The following STON2 variants were observed in gnomAD, a reference collection of about 807,000 sequenced individuals.
STON2 encodes the protein stonin 2.
A neutral mutation model predicts 65.7 loss-of-function variants in STON2; 29 were observed. The ratio of observed to expected loss-of-function variants is 0.44; its 90% confidence interval spans 0.33 to 0.60. The LOEUF is 0.60. Ranked by LOEUF, STON2 falls within the 20% of genes least tolerant of loss-of-function variation. STON2 has a pLI of 0.03. For synonymous variants in STON2, 404 were observed against 414.2 expected, an observed-to-expected ratio of 0.98 and a Z score of 0.30; for missense variants, 1,054 against 1,118.1, an observed-to-expected ratio of 0.94 and a Z score of 0.82.
At position 81,317,110 on chromosome 14, in the gene STON2, G is replaced by A. The variant is rs186130380; in HGVS notation, c.742+6907C>T. On this transcript the variant is annotated intron_variant, in intron 5 of 7. Coordinates refer to ENST00000614646, the MANE Select transcript of STON2 (RefSeq NM_001394390.1). ...TGGCAGCAGCATCTGCTTTTGGTGA[G>A]GCCTCAGGAGGCTTTTACTCAGGGT... Among the ~76,000 whole-genome samples, 548 of 152,318 alleles carry A rather than the reference G, an allele frequency of 3.6e-3. 2 individuals carry two copies. Among genetic ancestry groups the A allele is most frequent in the African/African-American group, 0.013 (521 of 41,574 alleles).
intron 2 of STON2, among the ~76,000 whole-genome samples, chr14:81,426,450 A>G (rs948714721): frequency 6.6e-6 from 1 of 152,086 alleles, no homozygotes; most frequent in Non-Finnish European, 1.5e-5. Context: ...ACAGCTTTAG[A>G]TTCCATCTAT....
rs572059945 is a variant in STON2 at position 81,280,373 on chromosome 14, T to C, written c.743-1634A>G. Among the ~76,000 whole-genome samples the C allele has an allele frequency of 1.6e-4, 24 of 152,302 alleles. No individual in the cohort carries two copies. In the South Asian group the frequency reaches 3.5e-3, roughly 22 times the overall value. ...ATGTGTGCATATAGTAGGTACTCAATAAGGTTTTTTGATTAAATAAGTGAG... is the reference window on the plus strand; with the variant it reads ...ATGTGTGCATATAGTAGGTACTCAACAAGGTTTTTTGATTAAATAAGTGAG... On this transcript the variant is annotated intron_variant, in intron 5 of 7. Coordinates refer to ENST00000614646, the MANE Select transcript of STON2 (RefSeq NM_001394390.1).
chr14:81,351,819 A>C (rs1326880661), intron 4 of STON2, among the ~76,000 whole-genome samples: 2 of 152,154 alleles, frequency 1.3e-5, no homozygotes, highest in African/African-American at 4.8e-5. Flanking sequence ...GGCACATAGT[A>C]GTTCCTCATC....
intron 5 of STON2, among the ~76,000 whole-genome samples, chr14:81,305,277 C>T (rs779182102): frequency 4.6e-5 from 7 of 152,204 alleles, no homozygotes; most frequent in Non-Finnish European, 8.8e-5. Context: ...AGCAGAACTG[C>T]TCTCTCACTG....
In STON2 at chr14:81,268,004, A is replaced by C; in HGVS notation, c.*410T>G. On this transcript the variant is annotated 3_prime_UTR_variant, in exon 8 of 8. Coordinates refer to ENST00000614646, the MANE Select transcript of STON2 (RefSeq NM_001394390.1). ...TTAACTTCTCAAGACTGCCTTTGCC[A>C]GAAAGTTATGCGAGTGACAGATGAA... The C allele has an allele frequency of 1.0e-6, 1 of 987,136 alleles. No homozygotes were observed. The highest frequency in any genetic ancestry group is 1.2e-6 in the Non-Finnish European group (1 of 831,112). The allele number at this position is 987,136 out of a possible 1,614,324, so 61.1% of individuals were successfully genotyped here. A position where few individuals can be genotyped will look rare whatever the true frequency, so the allele number is the denominator to read the frequency against.
At chr14:81,302,080 G>A (rs1271952461) in intron 5 of STON2, among the ~76,000 whole-genome samples, 1 of 152,140 alleles carries the variant, frequency 6.6e-6, no homozygotes, top group Non-Finnish European at 1.5e-5. Flanking sequence ...GGCTGGAGGC[G>A]AGGACACAAA....
chr14:81,359,251 CAAAT>C (rs1249086503), intron 4 of STON2, among the ~76,000 whole-genome samples: 1 of 151,994 alleles, frequency 6.6e-6, no homozygotes, highest in Non-Finnish European at 1.5e-5. Context: ...AGAAAATTCA[CAAAT>C]ATATAGAAAT....
chr14:81,360,340 T>C (rs551265524), intron 4 of STON2, among the ~76,000 whole-genome samples: 39 of 152,144 alleles, frequency 2.6e-4, no homozygotes, highest in Non-Finnish European at 4.1e-4. Flanking sequence ...TATAATTAAG[T>C]GGCATTTATC....
At chr14:81,393,289 C>G (rs550031200) in intron 3 of STON2, among the ~76,000 whole-genome samples, 1 of 152,130 alleles carries the variant, frequency 6.6e-6, no homozygotes, top group Non-Finnish European at 1.5e-5. Context: ...TAATCCATGA[C>G]CTGAAGGCAC....
In STON2 at chr14:81,261,990, G is replaced by C. The variant is rs901122872; in HGVS notation, c.*6424C>G. The C allele has an allele frequency of 1.2e-5, 16 of 1,382,556 alleles. No individual in the cohort carries two copies. The highest frequency in any genetic ancestry group is 3.7e-6 in the Non-Finnish European group (4 of 1,072,402). 85.6% of individuals were successfully genotyped at this position (1,382,556 alleles called of 1,614,324 possible). On this transcript the variant is annotated 3_prime_UTR_variant, in exon 8 of 8. Transcript: ENST00000614646. ...GAGAGATGTGAAAAGGAAAAAGATG[G>C]ACCAGGTGATTTTTCCAATCTTCAA...
At chr14:81,412,637 G>C (rs1229060640) in intron 2 of STON2, among the ~76,000 whole-genome samples, 3 of 139,382 alleles carry the variant, frequency 2.2e-5, no homozygotes, top group African/African-American at 8.9e-5. Context: ...GATAAAAAGA[G>C]TTCTGGAGAT....
intron 1 of STON2, among the ~76,000 whole-genome samples, chr14:81,428,132 G>A (rs962304147): frequency 1.3e-5 from 2 of 152,128 alleles, no homozygotes; most frequent in African/African-American, 4.8e-5. Context: ...AAAACTCAAC[G>A]CATGATAGCT....
At chr14:81,343,427 TTCTCCCACCCTACCCTC>T (rs1284216275) in intron 4 of STON2, among the ~76,000 whole-genome samples, 4 of 152,124 alleles carry the variant, frequency 2.6e-5, no homozygotes, top group African/African-American at 9.7e-5. Context: ...AGCATCTCCC[TTCTCCCACCCTACCCTC>T]CCTCCCACCT....
rs1894417743 is a variant in STON2 at position 81,267,862 on chromosome 14, G to A, written c.*552C>T. The A allele has an allele frequency of 1.0e-6, 1 of 985,318 alleles. No individual in the cohort carries two copies. The highest frequency in any genetic ancestry group is 1.2e-6 in the Non-Finnish European group (1 of 829,964). The allele number at this position is 985,318 out of a possible 1,614,324, so 61.0% of individuals were successfully genotyped here. ...GAGCCAGGAGGGAAATGTCTTGAAAGCTTAACAGTTAAAGAATGGAGACAC... is the reference window on the plus strand; with the variant it reads ...GAGCCAGGAGGGAAATGTCTTGAAAACTTAACAGTTAAAGAATGGAGACAC... On this transcript the variant is annotated 3_prime_UTR_variant, in exon 8 of 8. Coordinates refer to ENST00000614646, the MANE Select transcript of STON2 (RefSeq NM_001394390.1).
chr14:81,266,865 T>G lies in STON2; in HGVS notation c.*1549A>C. ...ACAAACACACACTCCACTCTGTACT[T>G]AGAGGGTTGCATTTTAAAAACCCAG... On this transcript the variant is annotated 3_prime_UTR_variant, in exon 8 of 8. Coordinates refer to ENST00000614646, the MANE Select transcript of STON2 (RefSeq NM_001394390.1). The G allele has an allele frequency of 2.0e-6, 2 of 980,918 alleles. No individual in the cohort carries two copies. Among genetic ancestry groups the G allele is most frequent in the Non-Finnish European group, 2.4e-6 (2 of 825,922 alleles). The allele number at this position is 980,918 out of a possible 1,614,324, so 60.8% of individuals were successfully genotyped here. A position where few individuals can be genotyped will look rare whatever the true frequency, so the allele number is the denominator to read the frequency against.
intron 5 of STON2, among the ~76,000 whole-genome samples, chr14:81,291,344 C>G (rs568086438): frequency 4.7e-4 from 71 of 152,228 alleles, no homozygotes; most frequent in Non-Finnish European, 8.1e-4. Flanking sequence ...AGGAATTCAC[C>G]ACATAAAGGA....
In STON2 at chr14:81,278,415, C is replaced by T. The variant is rs142500072; in HGVS notation, c.1067G>A (p.Arg356His). 1.5e-3 allele frequency: 2,354 copies of T among 1,614,122 alleles called. 53 individuals carry two copies. The South Asian group carries it at 0.023, about 15-fold the overall frequency. ...VQKLDISSLN[R>H]TPSVTEASPW... ...TGAAGCCTCAGTTACAGAAGGCGTG[C>T]GGTTTAAAGAGGAAATATCCAGCTT... is the stretch of plus-strand genomic sequence containing the variant. Residue 356 changes from arginine (R) to histidine (H), a missense_variant, in exon 6 of 8, where the codon CGC (arginine) becomes CAC (histidine). Coordinates refer to ENST00000614646, the MANE Select transcript of STON2 (RefSeq NM_001394390.1).
intron 6 of STON2, among the ~76,000 whole-genome samples, chr14:81,272,074 T>C (rs931848090): frequency 7.2e-5 from 11 of 151,980 alleles, no homozygotes; most frequent in Admixed American, 3.9e-4. Context: ...TACAAAAAAT[T>C]AGCCGGGCGT....
At chr14:81,365,106 A>G (rs1898662566) in intron 4 of STON2, among the ~76,000 whole-genome samples, 3 of 152,214 alleles carry the variant, frequency 2.0e-5, no homozygotes, top group African/African-American at 7.2e-5. Context: ...GTTGCTAGCA[A>G]AATGGTGCTA....
Sources: gnomAD v4.1 joint callset for allele counts (sites outside exome capture counted in the v4.1 genomes callset) on GRCh38, gnomAD v4.1.1 for gene constraint, MANE v1.5 for transcripts, NCBI Gene and HGNC (gene_info 2026-07-23, HGNC 2026-07-21) for gene names.